CEACAM1: variants seen among roughly 807,000 people sequenced by gnomAD.
CEACAM1 encodes CEA cell adhesion molecule 1, also known as cell adhesion molecule CEACAM1.
In CEACAM1, 31 loss-of-function variants were observed where a neutral mutation model predicts 49.1. The observed-to-expected ratio is 0.63, with a 90% confidence interval of 0.47 to 0.85. The LOEUF is 0.85. Among genes scored for constraint, CEACAM1 ranks in the 40% least tolerant of loss-of-function variants. The pLI, the probability that CEACAM1 is intolerant of heterozygous loss-of-function variation, is 0.00. For missense variants in CEACAM1, 570 were observed against 645.3 expected (o/e 0.88, Z 1.26); for synonymous variants, 244 against 247.8 (o/e 0.98, Z 0.14).
rs2041918310 is a variant in CEACAM1, at chr19:42,527,387, G to C, written c.78C>G (p.Thr26=). The change falls in exon 2 of 9, where the codon ACC becomes ACG. Residue 26 remains threonine, a synonymous_variant. Coordinates refer to ENST00000161559, the MANE Select transcript of CEACAM1 (RefSeq NM_001712.5). ...GGGCAGTGGTGGGCGGGTTCCAGAA[G>C]GTTAGAAGTGAGGCTAGGAGAGAGG... is the stretch of plus-strand genomic sequence containing the variant. ...QGLLLTASLL[T]FWNPPTTAQL... is the part of the protein sequence containing the mutation. 1 of 1,601,762 alleles carries C rather than the reference G, an allele frequency of 6.2e-7. No homozygotes were observed. Among genetic ancestry groups the C allele is most frequent in the African/African-American group, 1.3e-5 (1 of 74,654 alleles).
intron 5 of CEACAM1, among the ~76,000 whole-genome samples, chr19:42,517,856 A>C (rs781096991): frequency 5.3e-5 from 8 of 152,226 alleles, no homozygotes; most frequent in Non-Finnish European, 7.3e-5. Context: ...GAAAGCAGGG[A>C]TTTGAACAGA....
Position 42,517,650 on chromosome 19 carries a change from A to G in CEACAM1, c.1246+1298T>C, listed in dbSNP as rs193079031. On this transcript the variant is annotated intron_variant, in intron 5 of 8. Transcript: ENST00000161559. ...CCACCTTATAACCATTAGGATGGCC[A>G]TTATAAAAAACAAAACAAAACCAGA... Among the ~76,000 whole-genome samples the G allele has an allele frequency of 1.7e-4, 26 of 152,370 alleles. No homozygotes were observed. The Middle Eastern group carries it at 0.014, about 80-fold the overall frequency.
chr19:42,520,931 T>A, intron 4 of CEACAM1: 1 of 287,662 alleles, frequency 3.5e-6, no homozygotes, highest in Non-Finnish European at 6.6e-6. Flanking sequence ...GGCCAAGAAG[T>A]TACAGAAAGG....
At chr19:42,509,515 C>A (rs1568647673) in intron 8 of CEACAM1, among the ~76,000 whole-genome samples, 1 of 152,142 alleles carries the variant, frequency 6.6e-6, no homozygotes, top group Admixed American at 6.5e-5. Context: ...GAAGAAGCCA[C>A]ATATAAGGAT....
chr19:42,519,193 T>C lies in CEACAM1; in HGVS notation c.1001A>G (p.Lys334Arg). 6.2e-7 allele frequency: 1 copy of C among 1,614,178 alleles called. No homozygotes were observed. The highest frequency in any genetic ancestry group is 1.1e-5 in the South Asian group (1 of 91,084). The change falls in exon 5 of 9, where the codon AAG becomes AGG. Residue 334 changes from lysine to arginine, a missense_variant. Lys to Arg is a conservative substitution (Grantham distance 26). Coordinates refer to ENST00000161559, the MANE Select transcript of CEACAM1 (RefSeq NM_001712.5). ...VVAKPQIKASKTTVTGDKDSV... is the reference protein window; with the variant it reads ...VVAKPQIKASRTTVTGDKDSV... ...GTCCTTATCTCCTGTGACTGTGGTCTTGCTGGCTTTGATTTGGGGCTTTGC... is the reference window on the plus strand; with the variant it reads ...GTCCTTATCTCCTGTGACTGTGGTCCTGCTGGCTTTGATTTGGGGCTTTGC...
rs568258455 is a variant in CEACAM1, at chr19:42,512,849, G to A, written c.1247-370C>T. On this transcript the variant is annotated intron_variant, in intron 5 of 8. Transcript: ENST00000161559. Reference sequence around the variant, plus strand: ...CCTGGCTAATTTCTGTATTTTTTTAGTAGAGACGGGGTTTCACCATATTGG... The same window carrying A: ...CCTGGCTAATTTCTGTATTTTTTTAATAGAGACGGGGTTTCACCATATTGG... 2.0e-5 allele frequency among the ~76,000 whole-genome samples: 3 copies of A among 152,022 alleles called. No homozygotes were observed. In the East Asian group the frequency reaches 5.8e-4, roughly 30 times the overall value.
intron 6 of CEACAM1, among the ~76,000 whole-genome samples, chr19:42,512,003 A>G (rs565822081): frequency 1.3e-5 from 2 of 151,640 alleles, no homozygotes; most frequent in African/African-American, 2.4e-5. Flanking sequence ...TCCTCTTCCA[A>G]TGTGGTCAAC....
chr19:42,517,464 A>G (rs1462198907), intron 5 of CEACAM1, among the ~76,000 whole-genome samples: 2 of 152,230 alleles, frequency 1.3e-5, no homozygotes, highest in South Asian at 2.1e-4. Flanking sequence ...ATAAAGAACT[A>G]CTGCAACTCA....
chr19:42,511,587 A>G lies in CEACAM1; in HGVS notation c.1418T>C (p.Val473Ala). The G allele has an allele frequency of 6.2e-7, 1 of 1,613,836 alleles. No individual in the cohort carries two copies. Among genetic ancestry groups the G allele is most frequent in the Non-Finnish European group, 8.5e-7 (1 of 1,179,936 alleles). Reference protein sequence around the residue: ...QRDLTEHKPSVSNHTQDHSND... With the variant: ...QRDLTEHKPSASNHTQDHSND... ...GTGGCTTTACTTACTGTGGTTGGAG[A>G]CTGAGGGTTTGTGCTCTGTGAGATC... The change falls in exon 7 of 9, where the codon GTC becomes GCC. Residue 473 changes from valine to alanine, a missense_variant. Coordinates refer to ENST00000161559, the MANE Select transcript of CEACAM1 (RefSeq NM_001712.5).
chr19:42,521,211 A>T, intron 4 of CEACAM1, 56 bp downstream of exon 4: 1 of 1,586,648 alleles, frequency 6.3e-7, no homozygotes, highest in South Asian at 1.1e-5. Context: ...CTCCTATTTG[A>T]AAACCAGAAA....
intron 1 of CEACAM1, 125 bp from the exon 2 acceptor site, chr19:42,527,525 G>A (rs1305052777): frequency 8.2e-7 from 1 of 1,223,544 alleles, no homozygotes; most frequent in Admixed American, 2.3e-5. Context: ...GTGTGTGTGT[G>A]TGTGTGTGTG....
intron 2 of CEACAM1, among the ~76,000 whole-genome samples, chr19:42,522,590 C>T (rs2041784218): frequency 6.6e-6 from 1 of 150,920 alleles, no homozygotes; most frequent in Admixed American, 6.6e-5. Flanking sequence ...GAGACAGAGT[C>T]TCGCTTTGTT....
intron 8 of CEACAM1, 50 bp from the exon 9 acceptor site, chr19:42,509,278 C>T (rs1474188688): frequency 1.3e-6 from 2 of 1,550,920 alleles, no homozygotes; most frequent in Middle Eastern, 1.8e-4. Context: ...AGGGCAGGGC[C>T]TCACCTTGCC....
chr19:42,526,786 G>A (rs2041901884), intron 2 of CEACAM1, among the ~76,000 whole-genome samples: 1 of 152,176 alleles, frequency 6.6e-6, no homozygotes, highest in Non-Finnish European at 1.5e-5. Flanking sequence ...GCTAGATTGA[G>A]ACTGGTCTCC....
chr19:42,518,895 A>G, intron 5 of CEACAM1, 53 bp downstream of exon 5: 2 of 1,586,794 alleles, frequency 1.3e-6, no homozygotes, highest in Non-Finnish European at 1.7e-6. Flanking sequence ...TTTGCACACC[A>G]TTGACAGAGT....
At chr19:42,517,698 T>A (rs1670147726) in intron 5 of CEACAM1, among the ~76,000 whole-genome samples, 1 of 152,190 alleles carries the variant, frequency 6.6e-6, no homozygotes, top group African/African-American at 2.4e-5. Context: ...TTTTTGAAGA[T>A]GTAGAGAAAT....
At position 42,527,234 on chromosome 19, in the gene CEACAM1, A is replaced by T. The variant is rs2041914731; in HGVS notation, c.231T>A (p.Arg77=). 1.2e-6 allele frequency: 2 copies of T among 1,613,494 alleles called. No individual in the cohort carries two copies. Among genetic ancestry groups the T allele is most frequent in the Admixed American group, 3.3e-5 (2 of 59,956 alleles). The change falls in exon 2 of 9, where the codon CGT becomes CGA. Residue 77 remains arginine (R), a synonymous_variant. Coordinates refer to ENST00000161559, the MANE Select transcript of CEACAM1 (RefSeq NM_001712.5). Reference sequence around the variant, plus strand: ...TTCCTATTGCATATCCTACAATTTGACGGTTGCCATCCACTCTTTCCCCTT... The same window carrying T: ...TTCCTATTGCATATCCTACAATTTGTCGGTTGCCATCCACTCTTTCCCCTT... ...WYKGERVDGN[R]QIVGYAIGTQ...
intron 5 of CEACAM1, among the ~76,000 whole-genome samples, chr19:42,512,946 G>A (rs1402059697): frequency 2.6e-5 from 4 of 152,156 alleles, no homozygotes; most frequent in Non-Finnish European, 5.9e-5. Flanking sequence ...GATTATAGGC[G>A]TGAGCCACTG....
rs1600205542 is a variant in CEACAM1, at chr19:42,508,062, G to A, written c.*1047C>T. On this transcript the variant is annotated 3_prime_UTR_variant, in exon 9 of 9. Coordinates refer to ENST00000161559, the MANE Select transcript of CEACAM1 (RefSeq NM_001712.5). ...AAATCTTGAGAGGCTCCTGACCAAGGGACCTGAGGGATTTCGGTGGTTTCT... is the reference window on the plus strand; with the variant it reads ...AAATCTTGAGAGGCTCCTGACCAAGAGACCTGAGGGATTTCGGTGGTTTCT... 2 of 152,258 alleles carry A rather than the reference G, an allele frequency of 1.3e-5. No homozygotes were observed. The highest frequency in any genetic ancestry group is 1.3e-4 in the Admixed American group (2 of 15,306). 9.4% of individuals were successfully genotyped at this position (152,258 alleles called of 1,614,324 possible).
Sources: allele counts gnomAD v4.1 joint callset (sites outside exome capture counted in the v4.1 genomes callset), GRCh38; gene constraint gnomAD v4.1.1; transcripts MANE v1.5; gene names NCBI Gene and HGNC (gene_info 2026-07-23, HGNC 2026-07-21).